COLEC12: variants seen among roughly 807,000 people sequenced by gnomAD.
COLEC12 encodes collectin-12.
Under a neutral mutation model 71.1 loss-of-function variants are expected in COLEC12, and 33 were observed. The ratio of observed to expected loss-of-function variants is 0.46; its 90% confidence interval spans 0.35 to 0.62. The LOEUF (loss-of-function observed/expected upper bound fraction) is 0.62, where lower values mean the gene tolerates loss of function less well. Among genes scored for constraint, COLEC12 ranks in the 20% least tolerant of loss-of-function variants. COLEC12 has a pLI of 0.00. For missense variants in COLEC12, 765 were observed against 916.1 expected (o/e 0.84, Z 2.13); for synonymous variants, 350 against 353.0 (o/e 0.99, Z 0.10).
intron 2 of COLEC12, among the ~76,000 whole-genome samples, chr18:469,874 A>AT (rs35447228): frequency 0.8 from 120,748 of 150,614 alleles, 48,617 homozygotes; most frequent in East Asian, 0.97. Context: ...TTCCATAAAG[A>AT]TTTTTTTTTT....
intron 2 of COLEC12, among the ~76,000 whole-genome samples, chr18:442,385 G>A (rs773606745): frequency 9.2e-5 from 14 of 152,176 alleles, no homozygotes; most frequent in Non-Finnish European, 5.9e-5. Context: ...GGTAAACAGC[G>A]AAGCCTGGCC....
intron 2 of COLEC12, among the ~76,000 whole-genome samples, chr18:369,139 T>G (rs533452686): frequency 6.6e-6 from 1 of 152,334 alleles, no homozygotes; most frequent in South Asian, 2.1e-4. Flanking sequence ...TTGCCAGCAT[T>G]CCACTCAGCG....
At chr18:356,166 A>T (rs557318165) in intron 3 of COLEC12, among the ~76,000 whole-genome samples, 7 of 152,350 alleles carry the variant, frequency 4.6e-5, no homozygotes, top group African/African-American at 1.7e-4. Flanking sequence ...GAACAGAGAG[A>T]TACAGATATG....
chr18:335,285 T>A, intron 5 of COLEC12, 55 bp from the exon 6 acceptor site: 1 of 1,528,250 alleles, frequency 6.5e-7, no homozygotes, highest in Non-Finnish European at 8.7e-7. Context: ...ATGATAGTTA[T>A]GAATAATTTT....
intron 2 of COLEC12, among the ~76,000 whole-genome samples, chr18:469,655 G>A (rs1260419348): frequency 1.3e-5 from 2 of 152,058 alleles, no homozygotes; most frequent in Non-Finnish European, 2.9e-5. Flanking sequence ...CTTCTTCCCT[G>A]GGCTAATGGA....
intron 2 of COLEC12, among the ~76,000 whole-genome samples, chr18:360,917 G>A (rs916434622): frequency 3.3e-5 from 5 of 151,818 alleles, no homozygotes; most frequent in African/African-American, 1.2e-4. Flanking sequence ...TCTCAGCACC[G>A]TCTCTTATGT....
chr18:447,836 G>A (rs1211051615), intron 2 of COLEC12, among the ~76,000 whole-genome samples: 1 of 152,074 alleles, frequency 6.6e-6, no homozygotes, highest in Non-Finnish European at 1.5e-5. Flanking sequence ...GTCCCCTACA[G>A]CAAGAATATA....
In COLEC12 at chr18:442,827, G is replaced by A. The variant is rs184256897; in HGVS notation, c.58+37880C>T. ...ACACAAAAAATTGGTCGGGCGTGGC[G>A]GCACGCGCCTGTAGTCCCAGCTACT... On this transcript the variant is annotated intron_variant, in intron 2 of 9. Coordinates refer to ENST00000400256, the MANE Select transcript of COLEC12 (RefSeq NM_130386.3). Among the ~76,000 whole-genome samples, 54 of 152,340 alleles carry A rather than the reference G, an allele frequency of 3.5e-4. 1 individual carries two copies. The East Asian group carries it at 7.9e-3, about 22-fold the overall frequency.
intron 1 of COLEC12, among the ~76,000 whole-genome samples, chr18:487,669 G>A (rs1917545235): frequency 6.6e-6 from 1 of 152,180 alleles, no homozygotes; most frequent in Non-Finnish European, 1.5e-5. Flanking sequence ...CCAACTGAAT[G>A]CTCAGACCCT....
chr18:389,630 T>C (rs999740494), intron 2 of COLEC12, among the ~76,000 whole-genome samples: 15 of 151,612 alleles, frequency 9.9e-5, no homozygotes, highest in Admixed American at 7.9e-4. Flanking sequence ...TATACTGAAA[T>C]GAAAACTCTC....
chr18:472,906 G>A (rs1917229738), intron 2 of COLEC12, among the ~76,000 whole-genome samples: 1 of 151,812 alleles, frequency 6.6e-6, no homozygotes, highest in African/African-American at 2.4e-5. Context: ...ACCTGGGAGA[G>A]AGGAAAGAGC....
chr18:324,799 A>G (rs150367199), intron 8 of COLEC12, among the ~76,000 whole-genome samples: 1 of 152,298 alleles, frequency 6.6e-6, no homozygotes, highest in East Asian at 1.9e-4. Context: ...ACTGTACTCC[A>G]TCCTGGGTGA....
chr18:329,445 T>A (rs1256998941), intron 8 of COLEC12, among the ~76,000 whole-genome samples: 3 of 152,192 alleles, frequency 2.0e-5, no homozygotes, highest in Admixed American at 6.5e-5. Flanking sequence ...TTGTCTTTTT[T>A]AAAAAACAGT....
intron 1 of COLEC12, among the ~76,000 whole-genome samples, chr18:497,729 T>C (rs7235159): frequency 0.31 from 47,023 of 152,128 alleles, 7,632 homozygotes; most frequent in African/African-American, 0.43. Context: ...ACGTTTATTC[T>C]AAGAATTTAC....
intron 8 of COLEC12, among the ~76,000 whole-genome samples, chr18:323,273 C>G (rs2143407749): frequency 6.6e-6 from 1 of 152,032 alleles, no homozygotes; most frequent in East Asian, 1.9e-4. Flanking sequence ...TTAAATAAAC[C>G]TAGTGATGAA....
intron 2 of COLEC12, among the ~76,000 whole-genome samples, chr18:474,825 C>A (rs564226418): frequency 6.6e-6 from 1 of 152,158 alleles, no homozygotes; most frequent in Non-Finnish European, 1.5e-5. Context: ...GTAATCCCTG[C>A]AGTTTTGGAG....
rs569925967 is a variant in COLEC12, at chr18:317,647, T to C, written c.*2398A>G. 6.6e-6 allele frequency: 1 copy of C among 152,362 alleles called. No homozygotes were observed. The highest frequency in any genetic ancestry group is 2.1e-4 in the South Asian group (1 of 4,828). The allele number at this position is 152,362 out of a possible 1,614,324, so 9.4% of individuals were successfully genotyped here. A position where few individuals can be genotyped will look rare whatever the true frequency, so the allele number is the denominator to read the frequency against. ...ATACTAGTCTATCCTGATGACGGCA[T>C]CAGATACTTATTTTCAAGTTTCTTC... On this transcript the variant is annotated 3_prime_UTR_variant, in exon 10 of 10. Coordinates refer to ENST00000400256, the MANE Select transcript of COLEC12 (RefSeq NM_130386.3).
At chr18:416,228 G>C (rs576295030) in intron 2 of COLEC12, among the ~76,000 whole-genome samples, 1 of 152,200 alleles carries the variant, frequency 6.6e-6, no homozygotes, top group East Asian at 1.9e-4. Flanking sequence ...ATTCATTTTG[G>C]GGATTGTTTC....
At chr18:456,991 T>C (rs1916886381) in intron 2 of COLEC12, among the ~76,000 whole-genome samples, 1 of 152,256 alleles carries the variant, frequency 6.6e-6, no homozygotes, top group Non-Finnish European at 1.5e-5. Context: ...GACAGTATTT[T>C]ACTGCTTTTC....
Sources: allele counts gnomAD v4.1 joint callset (sites outside exome capture counted in the v4.1 genomes callset), GRCh38; gene constraint gnomAD v4.1.1; transcripts MANE v1.5; gene names NCBI Gene and HGNC (gene_info 2026-07-23, HGNC 2026-07-21).